Variants in NUP35 observed in about 807,000 individuals in gnomAD.
The protein encoded by NUP35 is nucleoporin 35, also known as nucleoporin NUP35.
In NUP35, 25 loss-of-function variants were observed where a neutral mutation model predicts 41.5. The observed-to-expected ratio is 0.60, with a 90% CI of 0.44 to 0.84. The LOEUF is 0.84. Ranked by LOEUF, NUP35 falls within the 40% of genes least tolerant of loss-of-function variation. The probability of loss-of-function intolerance (pLI) is 0.00; values close to 1 mark genes in which losing one functional copy is unlikely to be tolerated. For synonymous variants in NUP35, 149 were observed against 130.7 expected, an observed-to-expected ratio of 1.14 and a Z score of -0.96; for missense variants, 396 against 396.6, an observed-to-expected ratio of 1.00 and a Z score of 0.01.
intron 4 of NUP35, among the ~76,000 whole-genome samples, chr2:183,138,269 A>ATATATATATATTTTTT: frequency 1.7e-4 from 14 of 80,678 alleles, no homozygotes; most frequent in African/African-American, 7.4e-4. Context: ...ATATATATAT[A>ATATATATATATTTTTT]TTTTTTTTTT....
chr2:183,124,190 A>G (rs1700109982), upstream of NUP35, among the ~76,000 whole-genome samples: 1 of 152,330 alleles, frequency 6.6e-6, no homozygotes. Context: ...GTACCCACAA[A>G]TCAGGAAGCA....
chr2:183,130,569 C>T (rs1248797507), intron 3 of NUP35, 24 bp downstream of exon 3: 1 of 1,606,070 alleles, frequency 6.2e-7, no homozygotes, highest in Admixed American at 1.7e-5. Context: ...CCTTTTGATC[C>T]CCAATGAACA....
At chr2:183,130,893 T>G in intron 3 of NUP35, 3 of 951,638 alleles carry the variant, frequency 3.2e-6, no homozygotes, top group South Asian at 2.9e-5. Flanking sequence ...TATTTAAAAA[T>G]TATGTGAAAG....
chr2:183,143,598 T>G (rs1054906560), intron 4 of NUP35, among the ~76,000 whole-genome samples: 3 of 152,212 alleles, frequency 2.0e-5, no homozygotes, highest in African/African-American at 7.2e-5. Context: ...TTGAGCTGTT[T>G]AGGTTCCTTT....
At chr2:183,137,268 C>T (rs1357442680) in intron 4 of NUP35, among the ~76,000 whole-genome samples, 1 of 152,104 alleles carries the variant, frequency 6.6e-6, no homozygotes, top group Non-Finnish European at 1.5e-5. Flanking sequence ...GATGATGATG[C>T]TTTGTTACAC....
At chr2:183,138,067 A>G (rs760252696) in intron 4 of NUP35, among the ~76,000 whole-genome samples, 4 of 151,800 alleles carry the variant, frequency 2.6e-5, no homozygotes, top group Non-Finnish European at 4.4e-5. Context: ...TGCTGCTTCT[A>G]CTTTGACTTT....
intron 1 of NUP35, among the ~76,000 whole-genome samples, chr2:183,127,099 C>T (rs1353369450): frequency 6.6e-6 from 1 of 152,098 alleles, no homozygotes. Flanking sequence ...GACTCCATAG[C>T]CCATTGTTTT....
At chr2:183,146,589 A>G (rs147279303) in intron 4 of NUP35, among the ~76,000 whole-genome samples, 1 of 151,046 alleles carries the variant, frequency 6.6e-6, no homozygotes, top group Non-Finnish European at 1.5e-5. Flanking sequence ...ACATTCTTAC[A>G]TTCTTATTTT....
At chr2:183,126,552 A>G (rs978474882) in intron 1 of NUP35, among the ~76,000 whole-genome samples, 1 of 152,182 alleles carries the variant, frequency 6.6e-6, no homozygotes, top group African/African-American at 2.4e-5. Context: ...GCCATGTAAC[A>G]TAGTAACTAG....
At chr2:183,157,850 G>A (rs898184236) in intron 6 of NUP35, among the ~76,000 whole-genome samples, 1 of 152,054 alleles carries the variant, frequency 6.6e-6, no homozygotes, top group African/African-American at 2.4e-5. Context: ...AAAAGAAGTA[G>A]GAGGCAGTTC....
At chr2:183,135,016 A>G (rs1303693748) in intron 4 of NUP35, among the ~76,000 whole-genome samples, 1 of 152,078 alleles carries the variant, frequency 6.6e-6, no homozygotes, top group East Asian at 1.9e-4. Context: ...ACAGTCAGCA[A>G]CTTTGTAACT....
intron 4 of NUP35, among the ~76,000 whole-genome samples, chr2:183,145,314 A>G (rs1685243735): frequency 6.6e-6 from 1 of 152,224 alleles, no homozygotes; most frequent in Non-Finnish European, 1.5e-5. Flanking sequence ...TAGGACCAGA[A>G]GAGTTTCAGA....
chr2:183,121,935 A>ATTATT (rs1559138988), upstream of NUP35, among the ~76,000 whole-genome samples: 1 of 35,274 alleles, frequency 2.8e-5, no homozygotes, highest in African/African-American at 5.3e-5. Flanking sequence ...TTATTATTAT[A>ATTATT]CTTTAAGTTC....
chr2:183,130,027 T>A (rs998142862), intron 2 of NUP35, among the ~76,000 whole-genome samples: 6 of 152,262 alleles, frequency 3.9e-5, no homozygotes, highest in Non-Finnish European at 8.8e-5. Flanking sequence ...TGGAGCTGTT[T>A]AGTACCTACT....
intron 5 of NUP35, among the ~76,000 whole-genome samples, chr2:183,155,264 A>ATT (rs1685616055): frequency 1.3e-5 from 2 of 152,230 alleles, no homozygotes; most frequent in Admixed American, 1.3e-4. Context: ...TGTTTAGTGG[A>ATT]TTTTATGTAT....
chr2:183,132,787 GC>G (rs35962429), intron 3 of NUP35, among the ~76,000 whole-genome samples: 1 of 152,090 alleles, frequency 6.6e-6, no homozygotes, highest in Non-Finnish European at 1.5e-5. Context: ...AATTAGTTAT[GC>G]CCCCTGGAAT....
At chr2:183,120,869 G>C (rs1210911429), upstream of NUP35, among the ~76,000 whole-genome samples, 2 of 152,182 alleles carry the variant, frequency 1.3e-5, no homozygotes, top group African/African-American at 4.8e-5. Flanking sequence ...CGGGTAGGTT[G>C]TGCAGCAAGC....
At chr2:183,137,126 T>C (rs2176232) in intron 4 of NUP35, among the ~76,000 whole-genome samples, 6,894 of 152,140 alleles carry the variant, frequency 0.045, 243 homozygotes, top group South Asian at 0.15. Flanking sequence ...TTTAGAAGTC[T>C]GTCTACTGTG....
At position 183,161,380 on chromosome 2, in the gene NUP35, T is replaced by G; in HGVS notation, c.*249T>G. The G allele has an allele frequency of 3.6e-6, 1 of 274,388 alleles. No individual in the cohort carries two copies. Among genetic ancestry groups the G allele is most frequent in the Non-Finnish European group, 6.9e-6 (1 of 145,894 alleles). 17.0% of individuals were successfully genotyped at this position (274,388 alleles called of 1,614,324 possible). A position where few individuals can be genotyped will look rare whatever the true frequency, so the allele number is the denominator to read the frequency against. ...TTGTGCTTTCTGTAACAGTGCATGC[T>G]TCAGCACAGAAAACTCAGCATTGAT... On this transcript the variant is annotated 3_prime_UTR_variant, in exon 9 of 9. Transcript: ENST00000295119.
Sources: allele counts gnomAD v4.1 joint callset (sites outside exome capture counted in the v4.1 genomes callset), GRCh38; gene constraint gnomAD v4.1.1; transcripts MANE v1.5; gene names NCBI Gene and HGNC (gene_info 2026-07-23, HGNC 2026-07-21).